Variants in SZT2 observed in about 807,000 individuals in gnomAD.
SZT2 encodes SZT2 subunit of KICSTOR complex, also known as KICSTOR complex protein SZT2.
In SZT2, 216 loss-of-function variants were observed where a neutral mutation model predicts 404.2. The observed-to-expected ratio is 0.53, with a 90% CI of 0.48 to 0.60. SZT2 has a LOEUF of 0.60. Ranked by LOEUF, SZT2 falls within the 20% of genes least tolerant of loss-of-function variation. The pLI is 0.00. For missense variants in SZT2, 3,857 were observed against 4,459.2 expected, an observed-to-expected ratio of 0.86 and a Z score of 3.85; for synonymous variants, 1,693 against 1,749.9, an observed-to-expected ratio of 0.97 and a Z score of 0.81.
rs1420247591 is a variant in SZT2, at chr1:43,443,246, C to T, written c.8478C>T (p.Thr2826=). 2 of 1,614,150 alleles carry T rather than the reference C, an allele frequency of 1.2e-6. No individual in the cohort carries two copies. Among genetic ancestry groups the T allele is most frequent in the South Asian group, 1.1e-5 (1 of 91,080 alleles). The change falls in exon 60 of 72, where the codon ACC becomes ACT. Residue 2826 remains threonine, a synonymous_variant. Coordinates refer to ENST00000634258, the MANE Select transcript of SZT2 (RefSeq NM_001365999.1). ...TTGTAACCTGGCAGCAGCGTTCTACCCCAGCCACCATGCCCATCAGTGTGA... is the reference window on the plus strand; with the variant it reads ...TTGTAACCTGGCAGCAGCGTTCTACTCCAGCCACCATGCCCATCAGTGTGA... ...NLFVTWQQRS[T]PATMPISAGE...
chr1:43,395,378 G>A (rs1468704373), intron 1 of SZT2, among the ~76,000 whole-genome samples: 1 of 152,090 alleles, frequency 6.6e-6, no homozygotes, highest in Non-Finnish European at 1.5e-5. Context: ...GCTCACTGAA[G>A]CCTCAACCTC....
At position 43,392,083 on chromosome 1, in the gene SZT2, CAAAAAAAAAAAAAAAAAAAAAAAAAA is replaced by C. The variant is rs57476239; in HGVS notation, c.27+2107_27+2132del. On this transcript the variant is annotated intron_variant, in intron 1 of 71. Coordinates refer to ENST00000634258, the MANE Select transcript of SZT2 (RefSeq NM_001365999.1). ...TGGGCGACAGAGCGAGACTCCGTCT[CAAAAAAAAAAAAAAAAAAAAAAAAAA>C]AAAAAAAAAAAAAAAAAATGAAACA... Among the ~76,000 whole-genome samples the C allele has an allele frequency of 8.6e-3, 29 of 3,382 alleles. 3 individuals carry two copies. Among genetic ancestry groups the C allele is most frequent in the East Asian group, 0.012 (3 of 252 alleles). 2.2% of individuals were successfully genotyped at this position (3,382 alleles called of 152,430 possible). A position where few individuals can be genotyped will look rare whatever the true frequency, so the allele number is the denominator to read the frequency against.
rs1654605744 is a variant in SZT2, at chr1:43,437,677, C to T, written c.6373C>T (p.Pro2125Ser). The T allele has an allele frequency of 6.2e-7, 1 of 1,614,110 alleles. No individual in the cohort carries two copies. Among genetic ancestry groups the T allele is most frequent in the Non-Finnish European group, 8.5e-7 (1 of 1,180,016 alleles). Reference sequence around the variant, plus strand: ...CCTCGCTCTGTCCCGAAGCCAAGAGCCCATCTACTCTGAGGAAGCCTCGGC... The same window carrying T: ...CCTCGCTCTGTCCCGAAGCCAAGAGTCCATCTACTCTGAGGAAGCCTCGGC... ...PSLALSRSQE[P>S]IYSEEASGPR... The change falls in exon 45 of 72, where the codon CCC (proline) becomes TCC (serine). Residue 2125 changes from proline (P) to serine (S), a missense_variant. Around this residue, in one of 7 missense-constraint regions of SZT2, gnomAD observed 261 missense variants for 372.9 expected, o/e 0.70. Transcript: ENST00000634258. This position sits in a 1 kb window ranked among gnomAD's most constrained non-coding sequence, Gnocchi z 5.3.
chr1:43,437,817 C>T lies in SZT2; in HGVS notation c.6423C>T (p.Val2141=), dbSNP rs781465903. ...ASGPRSPLDM[V]SSRSSDAARP... Reference sequence around the variant, plus strand: ...GTCCTCGTTCTCCCTTAGACATGGTCTCTAGCCGCAGTTCAGATGCTGCTC... The same window carrying T: ...GTCCTCGTTCTCCCTTAGACATGGTTTCTAGCCGCAGTTCAGATGCTGCTC... The change falls in exon 46 of 72, where the codon GTC becomes GTT. Residue 2141 remains valine (V), a synonymous_variant. Coordinates refer to ENST00000634258, the MANE Select transcript of SZT2 (RefSeq NM_001365999.1). This position sits in a 1 kb window ranked among gnomAD's most constrained non-coding sequence, Gnocchi z 5.3. 2.5e-6 allele frequency: 4 copies of T among 1,614,176 alleles called. No individual in the cohort carries two copies. In the South Asian group the frequency reaches 3.3e-5, roughly 13 times the overall value.
At chr1:43,445,635 C>CAG (rs1386153214) in intron 62 of SZT2, 6 of 558,170 alleles carry the variant, frequency 1.1e-5, no homozygotes, top group African/African-American at 1.9e-5. Flanking sequence ...CACACCCTCT[C>CAG]AGTAGCAGAG....
intron 3 of SZT2, 160 bp from the exon 4 acceptor site, chr1:43,404,220 T>C (rs1010064634): frequency 1.5e-6 from 1 of 648,550 alleles, no homozygotes; most frequent in East Asian, 2.8e-5. Flanking sequence ...TGTTTTTGTT[T>C]CCAAAAAACA....
chr1:43,392,413 G>A (rs1353596071), intron 1 of SZT2, among the ~76,000 whole-genome samples: 1 of 148,992 alleles, frequency 6.7e-6, no homozygotes, highest in Admixed American at 6.7e-5. Context: ...CAAAAGTTAA[G>A]CTTTTTTTTT....
chr1:43,450,227 C>G lies in SZT2; in HGVS notation c.10155+56C>G. On this transcript the variant is annotated intron_variant, in intron 71 of 71. Coordinates refer to ENST00000634258, the MANE Select transcript of SZT2 (RefSeq NM_001365999.1). This position sits in a 1 kb window ranked among gnomAD's most constrained non-coding sequence, Gnocchi z 4.3. The stretch of plus-strand genomic sequence containing the variant: ...CTCATGGGAGGCCGTACCCCAAATG[C>G]TCCACCTCGGAGCCTGCTGAGGTTG... The G allele has an allele frequency of 2.5e-6, 4 of 1,613,866 alleles. No homozygotes were observed. Among genetic ancestry groups the G allele is most frequent in the Non-Finnish European group, 3.4e-6 (4 of 1,179,754 alleles).
At position 43,439,249 on chromosome 1, in the gene SZT2, TCTC is replaced by T; in HGVS notation, c.6793-108_6793-106del. On this transcript the variant is annotated intron_variant, in intron 48 of 71. Coordinates refer to ENST00000634258, the MANE Select transcript of SZT2 (RefSeq NM_001365999.1). The surrounding 1 kb of genome is among the most constrained non-coding windows in gnomAD (Gnocchi z 4.2). The stretch of plus-strand genomic sequence containing the variant: ...GGACCATTATTACCCGCCTGTGTCT[TCTC>T]ATGCTCCCATATCTACCTGCACCAC... 6.6e-7 allele frequency: 1 copy of T among 1,524,182 alleles called. No homozygotes were observed. The highest frequency in any genetic ancestry group is 9.1e-7 in the Non-Finnish European group (1 of 1,103,136). 94.4% of individuals were successfully genotyped at this position (1,524,182 alleles called of 1,614,324 possible).
In SZT2 at chr1:43,451,976, C is replaced by A. The variant is rs367869584; in HGVS notation, c.*1496C>A. On this transcript the variant is annotated 3_prime_UTR_variant, in exon 72 of 72. Transcript: ENST00000634258. ...CAGGAAGTACTGGGGGTCAGTGATG[C>A]GGGTGTTGATGGGCTCCAGCAGTCC... is the stretch of plus-strand genomic sequence containing the variant. 6.2e-7 allele frequency: 1 copy of A among 1,611,076 alleles called. No homozygotes were observed. Among genetic ancestry groups the A allele is most frequent in the African/African-American group, 1.3e-5 (1 of 74,842 alleles).
In SZT2 at chr1:43,426,637, C is replaced by T; in HGVS notation, c.3215-78C>T. 1 of 1,514,072 alleles carries T rather than the reference C, an allele frequency of 6.6e-7. No homozygotes were observed. Among genetic ancestry groups the T allele is most frequent in the South Asian group, 1.2e-5 (1 of 81,654 alleles). The allele number at this position is 1,514,072 out of a possible 1,614,324, so 93.8% of individuals were successfully genotyped here. Reference sequence around the variant, plus strand: ...GTCTTTGAGTTTTGGCTTTCCCCTTCCTCCCCCTTTCTTCAACCCAGAGTC... The same window carrying T: ...GTCTTTGAGTTTTGGCTTTCCCCTTTCTCCCCCTTTCTTCAACCCAGAGTC... On this transcript the variant is annotated intron_variant, in intron 22 of 71. Coordinates refer to ENST00000634258, the MANE Select transcript of SZT2 (RefSeq NM_001365999.1). The surrounding 1 kb of genome is among the most constrained non-coding windows in gnomAD (Gnocchi z 4.9).
Position 43,452,000 on chromosome 1 carries a change from C to T in SZT2, c.*1520C>T. The T allele has an allele frequency of 6.2e-7, 1 of 1,608,562 alleles. No homozygotes were observed. Among genetic ancestry groups the T allele is most frequent in the Non-Finnish European group, 8.5e-7 (1 of 1,176,462 alleles). The stretch of plus-strand genomic sequence containing the variant: ...GCGGGTGTTGATGGGCTCCAGCAGT[C>T]CCACGAGGTCCTCCTAGCAGCATGT... On this transcript the variant is annotated 3_prime_UTR_variant, in exon 72 of 72. Coordinates refer to ENST00000634258, the MANE Select transcript of SZT2 (RefSeq NM_001365999.1).
chr1:43,394,206 CTT>C (rs3884380), intron 1 of SZT2: 1,190 of 156,598 alleles, frequency 7.6e-3, no homozygotes, highest in Non-Finnish European at 0.013. Context: ...CCCATCAACT[CTT>C]TTTTTTTTTT....
At chr1:43,445,158 C>T (rs1315535820) in intron 62 of SZT2, 1 of 152,240 alleles carries the variant, frequency 6.6e-6, no homozygotes, top group African/African-American at 2.4e-5. Context: ...GCTCTTTCCC[C>T]CAAATCTGAA....
intron 7 of SZT2, 150 bp from the exon 8 acceptor site, chr1:43,419,584 C>G (rs1652096866): frequency 4.7e-6 from 3 of 642,412 alleles, no homozygotes; most frequent in Middle Eastern, 4.0e-4. Context: ...AAGACACAGA[C>G]AGTGGTCTGT....
chr1:43,442,757 G>A lies in SZT2; in HGVS notation c.8152-62G>A. 6.5e-7 allele frequency: 1 copy of A among 1,541,252 alleles called. No homozygotes were observed. Among genetic ancestry groups the A allele is most frequent in the Non-Finnish European group, 8.7e-7 (1 of 1,144,526 alleles). ...GGGAGAGTCTGAGAGAGGAAGCCCTGGGATGAGAGAGAGGGTCCGAGGGCA... is the reference window on the plus strand; with the variant it reads ...GGGAGAGTCTGAGAGAGGAAGCCCTAGGATGAGAGAGAGGGTCCGAGGGCA... On this transcript the variant is annotated intron_variant, in intron 58 of 71. Transcript: ENST00000634258. This position sits in a 1 kb window ranked among gnomAD's most constrained non-coding sequence, Gnocchi z 4.5.
intron 62 of SZT2, 84 bp from the exon 63 acceptor site, chr1:43,445,810 A>T (rs1655592530): frequency 2.2e-6 from 3 of 1,350,586 alleles, no homozygotes; most frequent in Middle Eastern, 3.6e-4. Flanking sequence ...AAATGATTCC[A>T]TATAAAACAG....
chr1:43,446,308 C>T (rs769807538), intron 64 of SZT2, 34 bp from the exon 65 acceptor site: 33 of 1,614,046 alleles, frequency 2.0e-5, no homozygotes, highest in Non-Finnish European at 1.8e-5. Context: ...ACCTGTCTCT[C>T]GCCTTCCTGA....
At position 43,426,548 on chromosome 1, in the gene SZT2, C is replaced by G; in HGVS notation, c.3214+10C>G. 1 of 1,553,382 alleles carries G rather than the reference C, an allele frequency of 6.4e-7. No individual in the cohort carries two copies. Among genetic ancestry groups the G allele is most frequent in the Non-Finnish European group, 8.7e-7 (1 of 1,153,688 alleles). Reference sequence around the variant, plus strand: ...ACCTGCCACGTTCCAGGTGAGTTCCCCACATCCTCCTGACACCAGACCCTG... The same window carrying G: ...ACCTGCCACGTTCCAGGTGAGTTCCGCACATCCTCCTGACACCAGACCCTG... On this transcript the variant is annotated intron_variant, in intron 22 of 71. Coordinates refer to ENST00000634258, the MANE Select transcript of SZT2 (RefSeq NM_001365999.1). The surrounding 1 kb of genome is among the most constrained non-coding windows in gnomAD (Gnocchi z 4.9).
Sources: allele counts gnomAD v4.1 joint callset (sites outside exome capture counted in the v4.1 genomes callset), GRCh38; gene constraint gnomAD v4.1.1; regional missense constraint gnomAD v4.1.1; non-coding constraint Gnocchi (gnomAD v3.1); transcripts MANE v1.5; gene names NCBI Gene and HGNC (gene_info 2026-07-23, HGNC 2026-07-21).